Variants in DMBT1 observed in about 807,000 individuals in gnomAD.
The protein encoded by DMBT1 is scavenger receptor cysteine-rich domain-containing protein DMBT1.
DMBT1 carries 198 observed loss-of-function variants against 252.9 expected under a neutral mutation model. The ratio of observed to expected loss-of-function variants is 0.78; its 90% CI spans 0.70 to 0.88. DMBT1 has a LOEUF of 0.88. DMBT1 is among the 40% of genes least tolerant of loss of function. The pLI is 0.00. For missense variants in DMBT1, 2,432 were observed against 2,404.7 expected, an observed-to-expected ratio of 1.01 and a Z score of -0.24; for synonymous variants, 990 against 942.7, an observed-to-expected ratio of 1.05 and a Z score of -0.92.
At chr10:122,637,364 C>T (rs945538078) in intron 54 of DMBT1, 52 bp downstream of exon 54, 39 of 1,502,586 alleles carry the variant, frequency 2.6e-5, no homozygotes, top group Admixed American at 1.5e-4. Context: ...TTTCTTAGAG[C>T]GGTATGTCCT....
intron 26 of DMBT1, among the ~76,000 whole-genome samples, chr10:122,599,470 C>G (rs1479795619): frequency 6.6e-6 from 1 of 152,196 alleles, no homozygotes; most frequent in Non-Finnish European, 1.5e-5. Flanking sequence ...GTGAGGAACT[C>G]TGAACTAAAG....
chr10:122,580,091 T>C (rs1254967936), intron 10 of DMBT1, among the ~76,000 whole-genome samples, 190 bp downstream of exon 10: 3 of 152,176 alleles, frequency 2.0e-5, no homozygotes, highest in African/African-American at 4.8e-5. Context: ...GGACAGGGGA[T>C]CAAACTAAAA....
intron 7 of DMBT1, among the ~76,000 whole-genome samples, chr10:122,577,565 C>A (rs141319682): frequency 1.3e-5 from 2 of 152,242 alleles, no homozygotes; most frequent in African/African-American, 4.8e-5. Context: ...TTGTTGTGGC[C>A]GGTCCCAGGC....
chr10:122,565,893 T>G (rs3019515), intron 1 of DMBT1, 74 bp from the exon 2 acceptor site: 1,050,841 of 1,511,826 alleles, frequency 0.7, 367,399 homozygotes, highest in Admixed American at 0.81. Context: ...ACGGTGAAGC[T>G]AAAGCCAATT....
At chr10:122,575,897 TC>T (rs1347290331) in intron 6 of DMBT1, among the ~76,000 whole-genome samples, 1 of 152,026 alleles carries the variant, frequency 6.6e-6, no homozygotes, top group Non-Finnish European at 1.5e-5. Flanking sequence ...ACAGCCCAGC[TC>T]CCCCATCTCC....
In DMBT1 at chr10:122,589,435, G is replaced by A. The variant is rs544110838; in HGVS notation, c.2107+168G>A. 6.5e-4 allele frequency among the ~76,000 whole-genome samples: 96 copies of A among 148,350 alleles called. 8 individuals are homozygous for A. The Middle Eastern group carries it at 0.017, about 26-fold the overall frequency. On this transcript the variant is annotated intron_variant, in intron 17 of 55. Transcript: ENST00000338354. ...GCATGAGTCTTCACCACAGTGCCAGGTTTTGAGGAGGTCAGAGAGGACAAT... is the reference window on the plus strand; with the variant it reads ...GCATGAGTCTTCACCACAGTGCCAGATTTTGAGGAGGTCAGAGAGGACAAT...
Position 122,565,979 on chromosome 10 carries a change from C to T in DMBT1, c.74C>T (p.Pro25Leu). The T allele has an allele frequency of 1.2e-6, 2 of 1,613,958 alleles. No individual in the cohort carries two copies. Among genetic ancestry groups the T allele is most frequent in the Non-Finnish European group, 8.5e-7 (1 of 1,179,842 alleles). The change falls in exon 2 of 56, where the codon CCA becomes CTA. Residue 25 changes from proline (P) to leucine (L), a missense_variant. Around this residue, in one of 3 missense-constraint regions of DMBT1, gnomAD observed 1,264 missense variants for 1,082.2 expected, o/e 1.17. Transcript: ENST00000338354. ...GQVLSTGGWI[P>L]RTTDYASLIP... ...GTGTTCTTTCCAGGTGGGTGGATCCCAAGGACTACAGACTACGGTAAGACC... is the reference window on the plus strand; with the variant it reads ...GTGTTCTTTCCAGGTGGGTGGATCCTAAGGACTACAGACTACGGTAAGACC...
intron 44 of DMBT1, among the ~76,000 whole-genome samples, chr10:122,622,354 A>AAAC (rs1303937422): frequency 2.6e-5 from 4 of 152,176 alleles, no homozygotes; most frequent in Admixed American, 6.5e-5. Flanking sequence ...TTGTTTGCAC[A>AAAC]TGGCAGGAAC....
rs1352096417 is a variant in DMBT1 at position 122,630,438 on chromosome 10, C to T, written c.5973C>T (p.Asp1991=). Residue 1991 remains aspartate, a synonymous_variant, in exon 48 of 56, where the codon GAC becomes GAT. Transcript: ENST00000338354. ...YNRMTIHFRS[D]ISFQNTGFLA... ...GAATGACCATTCACTTTCGAAGTGA[C>T]ATCAGTTTCCAAAACACTGGCTTTT... is the stretch of plus-strand genomic sequence containing the variant. The T allele has an allele frequency of 1.2e-6, 2 of 1,613,884 alleles. No homozygotes were observed. Among genetic ancestry groups the T allele is most frequent in the African/African-American group, 2.7e-5 (2 of 74,904 alleles).
At position 122,592,563 on chromosome 10, in the gene DMBT1, G is replaced by A. The variant is rs1565759159; in HGVS notation, c.2468G>A (p.Gly823Asp). The A allele has an allele frequency of 2.5e-6, 4 of 1,588,430 alleles. No individual in the cohort carries two copies. Among genetic ancestry groups the A allele is most frequent in the East Asian group, 2.3e-5 (1 of 42,714 alleles). ...PHNGWLSHNC[G>D]HHEDAGVICS... ...AATGGCTGGCTCTCCCACAACTGTG[G>A]CCATCATGAAGATGCTGGTGTCATC... Residue 823 changes from glycine (G) to aspartate (D), a missense_variant, in exon 20 of 56, where the codon GGC becomes GAC. Transcript: ENST00000338354.
At chr10:122,628,024 G>T (rs1565945836) in intron 46 of DMBT1, among the ~76,000 whole-genome samples, 1 of 152,240 alleles carries the variant, frequency 6.6e-6, no homozygotes, top group Non-Finnish European at 1.5e-5. Flanking sequence ...AATAGCAAGT[G>T]TTGATGAGGA....
At chr10:122,634,482 T>TCTCTC (rs2098209043) in intron 52 of DMBT1, among the ~76,000 whole-genome samples, 1 of 105,326 alleles carries the variant, frequency 9.5e-6, no homozygotes, top group Non-Finnish European at 2.2e-5. Flanking sequence ...CTCTCTCTCT[T>TCTCTC]TCTCTCTTTT....
chr10:122,641,494 A>G (rs1391481886), intron 55 of DMBT1, among the ~76,000 whole-genome samples: 1 of 152,202 alleles, frequency 6.6e-6, no homozygotes, highest in South Asian at 2.1e-4. Context: ...CACAGTGTGA[A>G]CATATGTCAG....
chr10:122,570,398 C>A (rs1477400275), intron 3 of DMBT1, among the ~76,000 whole-genome samples, 189 bp downstream of exon 3: 1 of 152,208 alleles, frequency 6.6e-6, no homozygotes, highest in Non-Finnish European at 1.5e-5. Flanking sequence ...TGAGACTGGG[C>A]TCCCCAAGGG....
chr10:122,586,248 G>T lies in DMBT1; in HGVS notation c.1648G>T (p.Gly550Cys), dbSNP rs1380951159. 1.9e-6 allele frequency: 3 copies of T among 1,588,762 alleles called. No individual in the cohort carries two copies. In the African/African-American group the frequency reaches 4.0e-5, roughly 21 times the overall value. Reference sequence around the variant, plus strand: ...GTTGGCCCCAGGAAATGCCCGGTTTGGTCAGGGCTCAGGACCCATTGTCCT... The same window carrying T: ...GTTGGCCCCAGGAAATGCCCGGTTTTGTCAGGGCTCAGGACCCATTGTCCT... The part of the protein sequence containing the change: ...AMLAPGNARF[G>C]QGSGPIVLDD... The change falls in exon 16 of 56, where the codon GGT becomes TGT. Residue 550 changes from glycine to cysteine, a missense_variant. By Grantham distance (159) the Gly-to-Cys change is radical. Transcript: ENST00000338354.
intron 52 of DMBT1, among the ~76,000 whole-genome samples, chr10:122,635,716 C>T (rs901191476): frequency 1.3e-5 from 2 of 151,980 alleles, no homozygotes; most frequent in Non-Finnish European, 2.9e-5. Context: ...CCACCACGCC[C>T]GGCTAATTTT....
At chr10:122,628,709 TGAG>T (rs1482341808) in intron 46 of DMBT1, among the ~76,000 whole-genome samples, 1 of 152,196 alleles carries the variant, frequency 6.6e-6, no homozygotes, top group Non-Finnish European at 1.5e-5. Flanking sequence ...GAAAACACAT[TGAG>T]AAGTCAGTCA....
Position 122,625,980 on chromosome 10 carries a change from T to G in DMBT1, c.5668+15T>G, listed in dbSNP as rs373011625. ...AACCACTGCAAGTAGGTATCACATT[T>G]TCTACCTGAACCATAGGTCATACAT... is the stretch of plus-strand genomic sequence containing the variant. On this transcript the variant is annotated intron_variant, in intron 46 of 55. Coordinates refer to ENST00000338354, the MANE Select transcript of DMBT1 (RefSeq NM_001377530.1). 7.5e-6 allele frequency: 12 copies of G among 1,605,308 alleles called. No individual in the cohort carries two copies. Among genetic ancestry groups the G allele is most frequent in the Non-Finnish European group, 1.0e-5 (12 of 1,172,084 alleles).
chr10:122,634,877 G>T (rs1334498724), intron 52 of DMBT1, among the ~76,000 whole-genome samples: 1 of 152,174 alleles, frequency 6.6e-6, no homozygotes, highest in African/African-American at 2.4e-5. Context: ...GTTTGCTAGT[G>T]TCCTGAACAA....
Sources: gnomAD v4.1 joint callset for allele counts (sites outside exome capture counted in the v4.1 genomes callset) on GRCh38, gnomAD v4.1.1 for gene constraint, gnomAD v4.1.1 regional missense constraint, MANE v1.5 for transcripts, NCBI Gene and HGNC (gene_info 2026-07-23, HGNC 2026-07-21) for gene names.